AKAP19: variants seen among roughly 807,000 people sequenced by gnomAD.
AKAP19 encodes the protein A-kinase anchoring protein 19.
chr2:190,104,620 T>A, the AKAP19 span, among the ~76,000 whole-genome samples: 1 of 152,008 alleles, frequency 6.6e-6, no homozygotes, highest in South Asian at 2.1e-4. Flanking sequence ...CAAGACCCCT[T>A]CTCAACAAAA....
At chr2:190,188,963 G>A in the AKAP19 span, among the ~76,000 whole-genome samples, 2 of 152,178 alleles carry the variant, frequency 1.3e-5, no homozygotes, top group African/African-American at 4.8e-5. Context: ...AATTCCATTA[G>A]ATAGCTAGTT....
At chr2:190,015,624 A>G in the AKAP19 span, among the ~76,000 whole-genome samples, 1 of 152,224 alleles carries the variant, frequency 6.6e-6, no homozygotes, top group African/African-American at 2.4e-5. Flanking sequence ...TTCTGCAGCC[A>G]GCTTGAATTC....
the AKAP19 span, among the ~76,000 whole-genome samples, chr2:190,048,278 G>A: frequency 2.0e-5 from 3 of 152,076 alleles, no homozygotes; most frequent in Non-Finnish European, 4.4e-5. Context: ...AACTATGACG[G>A]CATGTAACAG....
the AKAP19 span, among the ~76,000 whole-genome samples, chr2:190,155,841 T>A: frequency 1.3e-5 from 2 of 152,080 alleles, no homozygotes; most frequent in Non-Finnish European, 1.5e-5. Context: ...AGGAAAAAAA[T>A]TTTAAAGGAC....
chr2:190,083,037 A>G, the AKAP19 span, among the ~76,000 whole-genome samples: 3 of 152,154 alleles, frequency 2.0e-5, no homozygotes, highest in Non-Finnish European at 4.4e-5. Context: ...TATTTAACAT[A>G]TGTATTATCT....
chr2:189,997,907 C>G, the AKAP19 span, among the ~76,000 whole-genome samples: 1 of 152,152 alleles, frequency 6.6e-6, no homozygotes, highest in African/African-American at 2.4e-5. Context: ...CTGCCTTCCC[C>G]AAAGGCCCCT....
At chr2:189,951,135 A>G in the AKAP19 span, among the ~76,000 whole-genome samples, 8 of 145,928 alleles carry the variant, frequency 5.5e-5, no homozygotes, top group African/African-American at 2.0e-4. Context: ...TAGTACCAGT[A>G]TTAGGTTTTT....
the AKAP19 span, among the ~76,000 whole-genome samples, chr2:190,007,516 T>A: frequency 1.3e-5 from 2 of 152,354 alleles, no homozygotes; most frequent in African/African-American, 4.8e-5. Context: ...AGGATGTTTT[T>A]AATTTAGATA....
chr2:190,183,648 G>C, the AKAP19 span, among the ~76,000 whole-genome samples: 2 of 151,874 alleles, frequency 1.3e-5, no homozygotes, highest in South Asian at 2.1e-4. Context: ...AAAAACACTG[G>C]GGGAAAAAAG....
the AKAP19 span, among the ~76,000 whole-genome samples, chr2:190,115,620 A>G: frequency 2.6e-5 from 4 of 151,854 alleles, no homozygotes; most frequent in Non-Finnish European, 5.9e-5. Context: ...CGCCCGGCCA[A>G]GAAGCATATA....
chr2:190,180,418 G>T, the AKAP19 span: 2 of 960,196 alleles, frequency 2.1e-6, no homozygotes, highest in Non-Finnish European at 2.5e-6. This position sits in a 1 kb window ranked among gnomAD's most constrained non-coding sequence, Gnocchi z 6.8. Flanking sequence ...GAGCTCAGGA[G>T]AGTTCGCAGC....
the AKAP19 span, among the ~76,000 whole-genome samples, chr2:190,091,475 A>G: frequency 6.6e-6 from 1 of 151,882 alleles, no homozygotes; most frequent in East Asian, 1.9e-4. Flanking sequence ...AAAGTAAAGA[A>G]CTGTTTCCTA....
chr2:189,960,382 C>T, the AKAP19 span, among the ~76,000 whole-genome samples: 1 of 152,272 alleles, frequency 6.6e-6, no homozygotes, highest in Admixed American at 6.5e-5. Context: ...GCTTAGGCAG[C>T]TCCTCCCCTC....
chr2:190,200,160 G>A, the AKAP19 span: 1 of 1,610,048 alleles, frequency 6.2e-7, no homozygotes, highest in Non-Finnish European at 8.5e-7. Context: ...GCTGTAGGAT[G>A]ACAACACTTT....
chr2:190,148,538 G>A, the AKAP19 span, among the ~76,000 whole-genome samples: 35,310 of 152,036 alleles, frequency 0.23, 4,538 homozygotes, highest in Admixed American at 0.35. Context: ...ATTAGGGAGG[G>A]TTCCTTCTTT....
At chr2:190,193,846 GCTTTT>G in the AKAP19 span, among the ~76,000 whole-genome samples, 1 of 151,784 alleles carries the variant, frequency 6.6e-6, no homozygotes, top group African/African-American at 2.4e-5. Context: ...GGTTTAATTT[GCTTTT>G]CTTTTTTTAG....
the AKAP19 span, among the ~76,000 whole-genome samples, chr2:189,976,195 C>A: frequency 3.9e-5 from 6 of 152,200 alleles, no homozygotes; most frequent in Non-Finnish European, 7.3e-5. Flanking sequence ...TTCCTTCTAA[C>A]AGTCAGGATC....
At chr2:189,944,199 G>A in the AKAP19 span, among the ~76,000 whole-genome samples, 4 of 152,130 alleles carry the variant, frequency 2.6e-5, no homozygotes, top group South Asian at 2.1e-4. Context: ...ATGCTGGAGC[G>A]GGGGCCTGGT....
At chr2:189,967,581 A>C in the AKAP19 span, among the ~76,000 whole-genome samples, 1 of 152,210 alleles carries the variant, frequency 6.6e-6, no homozygotes. Flanking sequence ...TTATGAGAGA[A>C]TGTCACCAAA....
Sources: allele counts gnomAD v4.1 joint callset (sites outside exome capture counted in the v4.1 genomes callset), GRCh38; gene constraint gnomAD v4.1.1; non-coding constraint Gnocchi (gnomAD v3.1); transcripts MANE v1.5; gene names NCBI Gene and HGNC (gene_info 2026-07-23, HGNC 2026-07-21).